The following OR1S1 variants were observed in gnomAD, a reference collection of about 807,000 sequenced individuals.
OR1S1 encodes the protein olfactory receptor 1S1.
For synonymous variants in OR1S1, 156 were observed against 143.9 expected (o/e 1.08, Z -0.60); for missense variants, 411 against 367.5 (o/e 1.12, Z -0.97).
chr11:58,214,288 G>C (rs1464741795), intron 1 of OR1S1, among the ~76,000 whole-genome samples: 1 of 152,174 alleles, frequency 6.6e-6, no homozygotes, highest in East Asian at 1.9e-4. Flanking sequence ...CAACACAATG[G>C]TGTACACTGC....
chr11:58,214,054 C>T (rs1276366870), intron 1 of OR1S1, among the ~76,000 whole-genome samples: 1 of 152,150 alleles, frequency 6.6e-6, no homozygotes, highest in Admixed American at 6.6e-5. Flanking sequence ...TCCCTCTATC[C>T]CCACCATCTT....
chr11:58,216,058 A>T (rs1852937531), exon 2 of OR1S1: 1 of 236,132 alleles, frequency 4.2e-6, no homozygotes, highest in African/African-American at 2.2e-5. Flanking sequence ...CTATTGTTTG[A>T]TAAATCATTA....
intron 1 of OR1S1, 94 bp from the exon 2 acceptor site, chr11:58,214,635 C>G (rs143989898): frequency 1.1e-6 from 1 of 932,402 alleles, no homozygotes; most frequent in East Asian, 2.5e-5. Flanking sequence ...TGCTGAAATA[C>G]TTCCTTATTA....
In OR1S1 at chr11:58,214,148, T is replaced by C. The variant is rs553504512; in HGVS notation, c.-55-581T>C. Among the ~76,000 whole-genome samples the C allele has an allele frequency of 8.5e-5, 13 of 152,328 alleles. No individual in the cohort carries two copies. The South Asian group carries it at 2.7e-3, about 32-fold the overall frequency. On this transcript the variant is annotated intron_variant, in intron 1 of 1. Coordinates refer to ENST00000641544, the Ensembl canonical transcript of OR1S1. ...AAACAGAAGTCTTTAAGTGTATGTG[T>C]GCCCCCTAAATTTTCTTGAGGCTAA...
intron 1 of OR1S1, among the ~76,000 whole-genome samples, chr11:58,213,138 T>C (rs1854975920): frequency 6.6e-6 from 1 of 152,222 alleles, no homozygotes; most frequent in African/African-American, 2.4e-5. Flanking sequence ...AGACGAAGAT[T>C]GTCTCTTTTC....
At chr11:58,215,174 A>T in exon 2 of OR1S1, 1 of 1,614,122 alleles carries the variant, frequency 6.2e-7, no homozygotes, top group East Asian at 2.2e-5. Context: ...CCACCCTCTG[A>T]ATTATACAAT....
chr11:58,214,625 T>G lies in OR1S1; in HGVS notation c.-55-104T>G, dbSNP rs1852894970. On this transcript the variant is annotated intron_variant, in intron 1 of 1. Transcript: ENST00000641544. ...TAAGGCATTTTCCAAATCTCTGCACTGCTGAAATACTTCCTTATTAAGTAG... is the reference window on the plus strand; with the variant it reads ...TAAGGCATTTTCCAAATCTCTGCACGGCTGAAATACTTCCTTATTAAGTAG... 3.5e-6 allele frequency: 3 copies of G among 857,544 alleles called. No homozygotes were observed. In the African/African-American group the frequency reaches 5.1e-5, roughly 14 times the overall value. 53.1% of individuals were successfully genotyped at this position (857,544 alleles called of 1,614,324 possible). A position where few individuals can be genotyped will look rare whatever the true frequency, so the allele number is the denominator to read the frequency against.
chr11:58,215,090 T>C lies in OR1S1; in HGVS notation c.307T>C (p.Phe103Leu), dbSNP rs138003925. 1,149 of 1,614,210 alleles carry C rather than the reference T, an allele frequency of 7.1e-4. 1 individual carries two copies. The highest frequency in any genetic ancestry group is 9.0e-4 in the Non-Finnish European group (1,061 of 1,180,026). ...TGAGAGCTGCATCACACAGATGTAC[T>C]TTTCTATTGTGTTTGTCGTCATTGA... Residue 103 changes from phenylalanine to leucine, a missense_variant, in exon 2 of 2, where the codon TTT becomes CTT. Phe to Leu is a conservative substitution (Grantham distance 22). Coordinates refer to ENST00000641544, the Ensembl canonical transcript of OR1S1.
chr11:58,215,203 C>T (rs146740369), exon 2 of OR1S1: 23 of 1,614,064 alleles, frequency 1.4e-5, no homozygotes, highest in Middle Eastern at 1.7e-4. Context: ...GGCCCAGGTT[C>T]GGCATTTTGC....
At chr11:58,213,767 G>C (rs1852862370) in intron 1 of OR1S1, among the ~76,000 whole-genome samples, 1 of 152,194 alleles carries the variant, frequency 6.6e-6, no homozygotes, top group Non-Finnish European at 1.5e-5. Flanking sequence ...GTTCGTCAGG[G>C]GCTCCCGTTT....
At chr11:58,215,483 A>G in exon 2 of OR1S1, 1 of 1,614,144 alleles carries the variant, frequency 6.2e-7, no homozygotes, top group Non-Finnish European at 8.5e-7. Context: ...CACACAGGGA[A>G]AGTGGAAAGC....
At chr11:58,215,343 T>C in exon 2 of OR1S1, 1 of 1,613,758 alleles carries the variant, frequency 6.2e-7, no homozygotes, top group Non-Finnish European at 8.5e-7. Context: ...CTGCTCAAAC[T>C]GTCCTGTTCA....
chr11:58,214,983 C>G (rs751706356), exon 2 of OR1S1: 5 of 1,614,136 alleles, frequency 3.1e-6, no homozygotes, highest in Non-Finnish European at 4.2e-6. Context: ...GCCAATCTAT[C>G]CTTTGCTGAT....
intron 1 of OR1S1, among the ~76,000 whole-genome samples, chr11:58,214,026 C>G (rs537485719): frequency 2.6e-5 from 4 of 152,320 alleles, no homozygotes; most frequent in African/African-American, 9.6e-5. Context: ...GCAGATTGCC[C>G]TACTAACCAC....
exon 2 of OR1S1, chr11:58,215,852 A>AAGG (rs973149969): frequency 1.7e-6 from 2 of 1,178,430 alleles, no homozygotes; most frequent in Non-Finnish European, 2.4e-6. Flanking sequence ...CCAACCTCTG[A>AAGG]AGGGGTTGGA....
exon 2 of OR1S1, chr11:58,215,855 G>T: frequency 8.7e-7 from 1 of 1,148,566 alleles, no homozygotes; most frequent in Non-Finnish European, 1.2e-6. Context: ...ACCTCTGAAG[G>T]GGTTGGAGCT....
exon 1 of OR1S1, chr11:58,212,757 A>C (rs1244363473): frequency 6.6e-6 from 1 of 152,194 alleles, no homozygotes; most frequent in Non-Finnish European, 1.5e-5. Flanking sequence ...TTCAGAGGTG[A>C]ATCTCTTCAG....
exon 1 of OR1S1, chr11:58,212,720 A>G (rs1205385471): frequency 6.6e-6 from 1 of 152,202 alleles, no homozygotes; most frequent in Non-Finnish European, 1.5e-5. Context: ...TCTAGAAACC[A>G]GTAACTTTCT....
In OR1S1 at chr11:58,215,237, A is replaced by G. The variant is rs755752147; in HGVS notation, c.454A>G (p.Ser152Gly). The G allele has an allele frequency of 3.1e-5, 50 of 1,613,898 alleles. No homozygotes were observed. The highest frequency in any genetic ancestry group is 4.2e-5 in the Non-Finnish European group (49 of 1,179,992). The change falls in exon 2 of 2, where the codon AGT (serine) becomes GGT (glycine). Residue 152 changes from serine to glycine, a missense_variant. Transcript: ENST00000641544. ...GCTCACAGTCATCTCATGGTTCCTC[A>G]GTAATATTATTGCTCTGACACACAC... is the stretch of plus-strand genomic sequence containing the variant.
Sources: gnomAD v4.1 joint callset for allele counts (sites outside exome capture counted in the v4.1 genomes callset) on GRCh38, gnomAD v4.1.1 for gene constraint, MANE v1.5 for transcripts, NCBI Gene and HGNC (gene_info 2026-07-23, HGNC 2026-07-21) for gene names.